AR: variants seen among roughly 807,000 people sequenced by gnomAD.
AR encodes androgen receptor.
A neutral mutation model predicts 53.9 loss-of-function variants in AR; 8 were observed. The ratio of observed to expected loss-of-function variants is 0.15; its 90% CI spans 0.09 to 0.27. AR has a LOEUF of 0.27. AR is among the 10% of genes least tolerant of loss of function. The pLI, the probability that AR is intolerant of heterozygous loss-of-function variation, is 1.00. For synonymous variants in AR, 359 were observed against 316.4 expected (o/e 1.13, Z -1.43); for missense variants, 639 against 742.5 (o/e 0.86, Z 1.62).
At position 67,724,710 on chromosome X, in the gene AR, G is replaced by A; in HGVS notation, c.*869G>A. The A allele has an allele frequency of 5.7e-6, 1 of 175,739 alleles. No individual in the cohort carries two copies. Among genetic ancestry groups the A allele is most frequent in the Non-Finnish European group, 1.1e-5 (1 of 91,809 alleles). The allele number at this position is 175,739 out of a possible 1,213,427, so 14.5% of individuals were successfully genotyped here. A position where few individuals can be genotyped will look rare whatever the true frequency, so the allele number is the denominator to read the frequency against. The stretch of plus-strand genomic sequence containing the variant: ...GTTGAAAATTTGTCTGCATGTTAAT[G>A]CCTCACCCCCAAACCCTTTTCTCTC... On this transcript the variant is annotated 3_prime_UTR_variant, in exon 8 of 8. Coordinates refer to ENST00000374690, the MANE Select transcript of AR (RefSeq NM_000044.6).
At chrX:67,640,991 C>T (rs1160921440) in intron 1 of AR, among the ~76,000 whole-genome samples, 1 of 111,027 alleles carries the variant, frequency 9.0e-6, no homozygotes, top group Admixed American at 9.7e-5. Context: ...TTTCTTAGGG[C>T]CAAGGAAATA....
chrX:67,730,320 G>C lies in AR; in HGVS notation c.*6479G>C, dbSNP rs1256411465. ...GCAGCAGGACCAGCTCCAAGCGCTA[G>C]TGTTCTGTTCTCTTTTTGTAATCTT... is the stretch of plus-strand genomic sequence containing the variant. On this transcript the variant is annotated 3_prime_UTR_variant, in exon 8 of 8. Coordinates refer to ENST00000374690, the MANE Select transcript of AR (RefSeq NM_000044.6). The C allele has an allele frequency of 5.7e-6, 1 of 174,072 alleles. No homozygotes were observed. Among genetic ancestry groups the C allele is most frequent in the East Asian group, 8.1e-5 (1 of 12,337 alleles). The allele number at this position is 174,072 out of a possible 1,213,427, so 14.3% of individuals were successfully genotyped here.
At chrX:67,584,727 A>G (rs762158759) in intron 1 of AR, among the ~76,000 whole-genome samples, 2 of 112,108 alleles carry the variant, frequency 1.8e-5, no homozygotes, top group South Asian at 7.5e-4. Flanking sequence ...AGAAACAAAA[A>G]GGCATATTCC....
Position 67,546,663 on chromosome X carries a change from G to A in AR, c.1517G>A (p.Gly506Asp), listed in dbSNP as rs1403123525. The change falls in exon 1 of 8, where the codon GGC (glycine) becomes GAC (aspartate). Residue 506 changes from glycine (G) to aspartate (D), a missense_variant. Transcript: ENST00000374690. ...DFTAPDVWYP[G>D]GMVSRVPYPS... Reference sequence around the variant, plus strand: ...ACCGCACCTGATGTGTGGTACCCTGGCGGCATGGTGAGCAGAGTGCCCTAT... The same window carrying A: ...ACCGCACCTGATGTGTGGTACCCTGACGGCATGGTGAGCAGAGTGCCCTAT... 8.3e-7 allele frequency: 1 copy of A among 1,206,827 alleles called. No individual in the cohort carries two copies. The highest frequency in any genetic ancestry group is 1.1e-6 in the Non-Finnish European group (1 of 893,185).
At chrX:67,623,117 A>G (rs191974246) in intron 1 of AR, among the ~76,000 whole-genome samples, 82 of 111,398 alleles carry the variant, frequency 7.4e-4, no homozygotes, top group Non-Finnish European at 2.1e-4. Context: ...CACATAAAAT[A>G]TAACCTTACT....
intron 2 of AR, among the ~76,000 whole-genome samples, chrX:67,652,246 G>A (rs1926378908): frequency 8.9e-6 from 1 of 111,892 alleles, no homozygotes; most frequent in African/African-American, 3.3e-5. Context: ...AGATCATTGT[G>A]TGGATGGACC....
intron 1 of AR, among the ~76,000 whole-genome samples, chrX:67,640,905 C>G (rs998750804): frequency 1.5e-4 from 17 of 111,343 alleles, no homozygotes; most frequent in African/African-American, 5.5e-4. Flanking sequence ...GCAGTCTGCA[C>G]TCTGCTTTCT....
At chrX:67,723,464 G>A (rs1053295324) in intron 7 of AR, among the ~76,000 whole-genome samples, 1 of 101,539 alleles carries the variant, frequency 9.8e-6, no homozygotes, top group Non-Finnish European at 2.0e-5. Context: ...TCTCTTGGGA[G>A]CCCTCAGTGA....
At chrX:67,659,752 C>G (rs1335433043) in intron 2 of AR, among the ~76,000 whole-genome samples, 2 of 111,504 alleles carry the variant, frequency 1.8e-5, no homozygotes, top group African/African-American at 6.5e-5. Context: ...ATGGCTGGGT[C>G]AAATGGTATT....
chrX:67,633,263 G>T (rs902565141), intron 1 of AR, among the ~76,000 whole-genome samples: 7 of 111,872 alleles, frequency 6.3e-5, no homozygotes, highest in African/African-American at 1.9e-4. Context: ...CCAATAGGTA[G>T]TTTTTCTATC....
intron 2 of AR, among the ~76,000 whole-genome samples, chrX:67,669,994 A>G (rs1268406857): frequency 1.9e-5 from 2 of 102,666 alleles, no homozygotes; most frequent in African/African-American, 3.5e-5. Flanking sequence ...ATATTTTTAA[A>G]ATAATACTAT....
chrX:67,614,824 G>A (rs1383814220), intron 1 of AR, among the ~76,000 whole-genome samples: 1 of 110,556 alleles, frequency 9.0e-6, no homozygotes, highest in African/African-American at 3.3e-5. Flanking sequence ...AAGGAACTAT[G>A]TCTAAAATAC....
intron 1 of AR, among the ~76,000 whole-genome samples, chrX:67,608,919 G>T (rs761581884): frequency 9.1e-6 from 1 of 109,389 alleles, no homozygotes; most frequent in African/African-American, 3.3e-5. Context: ...TTCCAATATT[G>T]GTGGCTATAT....
At chrX:67,656,549 AC>A (rs1926603730) in intron 2 of AR, among the ~76,000 whole-genome samples, 1 of 111,615 alleles carries the variant, frequency 9.0e-6, no homozygotes, top group African/African-American at 3.3e-5. Context: ...ATGTTACCAA[AC>A]ATTTTCCATG....
intron 1 of AR, among the ~76,000 whole-genome samples, chrX:67,629,012 T>G (rs1041131275): frequency 9.0e-5 from 10 of 111,719 alleles, no homozygotes; most frequent in Non-Finnish European, 1.7e-4. Flanking sequence ...GGATAAGCTT[T>G]TTGATGTGCT....
chrX:67,634,520 C>T (rs996100016), intron 1 of AR, among the ~76,000 whole-genome samples: 3 of 111,824 alleles, frequency 2.7e-5, no homozygotes, highest in African/African-American at 9.8e-5. Context: ...CAGAGATGGA[C>T]ATGAAAACTA....
chrX:67,582,112 A>G (rs1221470608), intron 1 of AR, among the ~76,000 whole-genome samples: 2 of 112,271 alleles, frequency 1.8e-5, no homozygotes, highest in East Asian at 5.6e-4. Flanking sequence ...ACAGCTTTTT[A>G]GTATCATATC....
At chrX:67,672,234 T>C (rs185120438) in intron 2 of AR, among the ~76,000 whole-genome samples, 1 of 111,479 alleles carries the variant, frequency 9.0e-6, no homozygotes, top group African/African-American at 3.3e-5. Flanking sequence ...TTCCATTCTT[T>C]GGTTACTTAA....
In AR at chrX:67,728,096, A is replaced by G. The variant is rs2076164963; in HGVS notation, c.*4255A>G. ...AAATTCATAAGGGCAGGGGGGGAGCAAGCATTAGTGCCTCTTTGATAAGCT... is the reference window on the plus strand; with the variant it reads ...AAATTCATAAGGGCAGGGGGGGAGCGAGCATTAGTGCCTCTTTGATAAGCT... On this transcript the variant is annotated 3_prime_UTR_variant, in exon 8 of 8. Coordinates refer to ENST00000374690, the MANE Select transcript of AR (RefSeq NM_000044.6). 2 of 172,355 alleles carry G rather than the reference A, an allele frequency of 1.2e-5. No individual in the cohort carries two copies. The highest frequency in any genetic ancestry group is 5.9e-5 in the African/African-American group (2 of 33,617). The allele number at this position is 172,355 out of a possible 1,213,427, so 14.2% of individuals were successfully genotyped here. A position where few individuals can be genotyped will look rare whatever the true frequency, so the allele number is the denominator to read the frequency against.
Sources: allele counts gnomAD v4.1 joint callset (sites outside exome capture counted in the v4.1 genomes callset), GRCh38; gene constraint gnomAD v4.1.1; transcripts MANE v1.5; gene names NCBI Gene and HGNC (gene_info 2026-07-23, HGNC 2026-07-21).